Variants in FRAS1 observed in about 807,000 individuals in gnomAD.
The protein encoded by FRAS1 is Fraser extracellular matrix complex subunit 1.
A neutral mutation model predicts 435.2 loss-of-function variants in FRAS1; 290 were observed. The observed-to-expected ratio is 0.67, with a 90% CI of 0.61 to 0.73. FRAS1 has a LOEUF of 0.73. Among genes scored for constraint, FRAS1 ranks in the 30% least tolerant of loss-of-function variants. FRAS1 has a pLI of 0.00. For missense variants in FRAS1, 4,860 were observed against 5,001.5 expected (o/e 0.97, Z 0.85); for synonymous variants, 1,800 against 1,851.0 (o/e 0.97, Z 0.71).
chr4:78,281,091 A>G (rs893466934), intron 10 of FRAS1, among the ~76,000 whole-genome samples: 1 of 152,250 alleles, frequency 6.6e-6, no homozygotes, highest in Non-Finnish European at 1.5e-5. Context: ...GGCACCATGC[A>G]AAATTCAAGA....
chr4:78,400,161 A>AT (rs900751509), intron 29 of FRAS1, among the ~76,000 whole-genome samples: 4 of 152,202 alleles, frequency 2.6e-5, no homozygotes, highest in East Asian at 1.9e-4. Flanking sequence ...TAGAAATCCA[A>AT]TTTTTTTGTT....
At chr4:78,380,607 A>G (rs1038522546) in intron 27 of FRAS1, among the ~76,000 whole-genome samples, 1 of 152,266 alleles carries the variant, frequency 6.6e-6, no homozygotes, top group African/African-American at 2.4e-5. Flanking sequence ...CTATATAATT[A>G]GCAGGGTAAA....
chr4:78,470,997 CATT>C (rs1399715499), intron 51 of FRAS1, among the ~76,000 whole-genome samples: 4 of 152,176 alleles, frequency 2.6e-5, no homozygotes, highest in Non-Finnish European at 5.9e-5. Flanking sequence ...TCAGCTAAAA[CATT>C]GTTCACTAGA....
intron 17 of FRAS1, among the ~76,000 whole-genome samples, chr4:78,318,013 A>G (rs764200449): frequency 1.3e-5 from 2 of 152,202 alleles, no homozygotes; most frequent in Non-Finnish European, 2.9e-5. Flanking sequence ...GAATATTGGG[A>G]ACAAACACTT....
Position 78,331,940 on chromosome 4 carries a change from A to G in FRAS1, c.2138-1332A>G, listed in dbSNP as rs562368784. 3.9e-5 allele frequency among the ~76,000 whole-genome samples: 6 copies of G among 152,294 alleles called. No individual in the cohort carries two copies. In the East Asian group the frequency reaches 1.2e-3, roughly 29 times the overall value. ...CTTCGAAGAGGAAGGGGCACCTCAT[A>G]GCATAAAAGGCCACAAAGGGGAGCA... On this transcript the variant is annotated intron_variant, in intron 18 of 73. Coordinates refer to ENST00000512123, the MANE Select transcript of FRAS1 (RefSeq NM_025074.7).
intron 34 of FRAS1, among the ~76,000 whole-genome samples, chr4:78,422,601 G>C (rs192050515): frequency 6.6e-6 from 1 of 152,210 alleles, no homozygotes; most frequent in Non-Finnish European, 1.5e-5. Flanking sequence ...CCTTGTGTCT[G>C]AAATGTGAAG....
chr4:78,201,528 A>G (rs377539000), intron 2 of FRAS1, among the ~76,000 whole-genome samples: 22 of 152,292 alleles, frequency 1.4e-4, no homozygotes, highest in African/African-American at 5.1e-4. Flanking sequence ...GAATTGGCCT[A>G]TGAGAGACCT....
intron 2 of FRAS1, among the ~76,000 whole-genome samples, chr4:78,225,240 A>G (rs1337639392): frequency 1.3e-5 from 2 of 152,204 alleles, no homozygotes; most frequent in Non-Finnish European, 2.9e-5. Context: ...CTTTTTAAGA[A>G]AAAGAAAATG....
intron 6 of FRAS1, among the ~76,000 whole-genome samples, chr4:78,257,537 G>C (rs1725849594): frequency 6.6e-6 from 1 of 152,148 alleles, no homozygotes; most frequent in South Asian, 2.1e-4. Flanking sequence ...GATTTTTAAT[G>C]TAAGGTTTTT....
At chr4:78,174,769 T>G (rs888329168) in intron 2 of FRAS1, among the ~76,000 whole-genome samples, 2 of 152,206 alleles carry the variant, frequency 1.3e-5, no homozygotes, top group African/African-American at 2.4e-5. Flanking sequence ...CTGAATTAGG[T>G]CAGAAGTCTT....
intron 44 of FRAS1, 81 bp from the exon 45 acceptor site, chr4:78,450,070 C>A: frequency 9.3e-7 from 1 of 1,079,662 alleles, no homozygotes. Context: ...ATAATTTAGC[C>A]TCCAGTCTCC....
intron 63 of FRAS1, among the ~76,000 whole-genome samples, chr4:78,509,334 GA>G (rs1431814242): frequency 6.6e-6 from 1 of 152,172 alleles, no homozygotes; most frequent in Non-Finnish European, 1.5e-5. Context: ...CAAGGTCATT[GA>G]AAAATGTGAC....
In FRAS1 at chr4:78,401,007, C is replaced by A. The variant is rs1732871352; in HGVS notation, c.4129+120C>A. On this transcript the variant is annotated intron_variant, in intron 30 of 73. Coordinates refer to ENST00000512123, the MANE Select transcript of FRAS1 (RefSeq NM_025074.7). ...ATGAACTGAGCTTTCTAATACCTTA[C>A]AAATCCCCTTTAAAAACAGAATAAT... 3 of 820,178 alleles carry A rather than the reference C, an allele frequency of 3.7e-6. No individual in the cohort carries two copies. The South Asian group carries it at 6.6e-5, about 18-fold the overall frequency. 50.8% of individuals were successfully genotyped at this position (820,178 alleles called of 1,614,324 possible).
At chr4:78,201,589 A>G (rs1052205116) in intron 2 of FRAS1, among the ~76,000 whole-genome samples, 6 of 152,160 alleles carry the variant, frequency 3.9e-5, no homozygotes, top group Admixed American at 6.6e-5. Flanking sequence ...CTCTCACCCC[A>G]TATCCACCCC....
chr4:78,104,099 G>A (rs937804431), intron 2 of FRAS1, among the ~76,000 whole-genome samples: 1 of 152,178 alleles, frequency 6.6e-6, no homozygotes. Flanking sequence ...AACTGTGACT[G>A]TTTTATTTAA....
At chr4:78,161,051 A>G (rs949469814) in intron 2 of FRAS1, among the ~76,000 whole-genome samples, 2 of 152,054 alleles carry the variant, frequency 1.3e-5, no homozygotes, top group African/African-American at 4.8e-5. Flanking sequence ...AGGCAGGTGA[A>G]TTGCTGGAAC....
intron 2 of FRAS1, among the ~76,000 whole-genome samples, chr4:78,132,006 C>A (rs1050956982): frequency 6.6e-6 from 1 of 152,174 alleles, no homozygotes; most frequent in Non-Finnish European, 1.5e-5. Flanking sequence ...GCTGTTAAAA[C>A]CCTTCTTTAT....
chr4:78,245,875 G>C (rs1725217640), intron 4 of FRAS1, among the ~76,000 whole-genome samples: 2 of 152,032 alleles, frequency 1.3e-5, no homozygotes, highest in African/African-American at 4.8e-5. Context: ...TTGCATTGTA[G>C]GACATTTAGC....
intron 3 of FRAS1, among the ~76,000 whole-genome samples, chr4:78,244,822 C>T (rs557833409): frequency 1.6e-3 from 246 of 152,288 alleles, no homozygotes; most frequent in Non-Finnish European, 1.5e-3. Flanking sequence ...TCAGCTGCTT[C>T]ACTGGCTGCA....
Sources: allele counts gnomAD v4.1 joint callset (sites outside exome capture counted in the v4.1 genomes callset), GRCh38; gene constraint gnomAD v4.1.1; transcripts MANE v1.5; gene names NCBI Gene and HGNC (gene_info 2026-07-23, HGNC 2026-07-21).